Variants in SPRY3 observed in about 807,000 individuals in gnomAD.
SPRY3 encodes the protein sprouty RTK signaling antagonist 3, also known as protein sprouty homolog 3.
In SPRY3, 15 loss-of-function variants were observed where a neutral mutation model predicts 20.2. The observed-to-expected ratio is 0.74, with a 90% confidence interval of 0.50 to 1.14. The LOEUF is 1.14. Among genes scored for constraint, SPRY3 ranks in the 50% most tolerant of loss-of-function variants. SPRY3 has a pLI of 0.00. For missense variants in SPRY3, 364 were observed against 363.9 expected (o/e 1.00, Z 0.00); for synonymous variants, 143 against 136.5 (o/e 1.05, Z -0.33).
intron 2 of SPRY3, among the ~76,000 whole-genome samples, chrX:155,670,316 A>G (rs782758293): frequency 8.9e-6 from 1 of 111,946 alleles, no homozygotes; most frequent in Non-Finnish European, 1.9e-5. Context: ...CTCTAAGCCT[A>G]TCAGTATCAG....
intron 2 of SPRY3, among the ~76,000 whole-genome samples, chrX:155,716,981 A>T (rs867077943): frequency 4.3e-4 from 27 of 63,480 alleles, no homozygotes; most frequent in Admixed American, 1.6e-3. Flanking sequence ...TAAAATACAA[A>T]ATATATATAT....
intron 2 of SPRY3, among the ~76,000 whole-genome samples, chrX:155,658,930 A>G (rs781829452): frequency 1.4e-4 from 16 of 111,163 alleles, no homozygotes; most frequent in Non-Finnish European, 2.8e-4. Flanking sequence ...TTTTGCATCT[A>G]TCTAGATGAT....
chrX:155,766,493 A>G (rs187236545), intron 2 of SPRY3, among the ~76,000 whole-genome samples: 1 of 152,294 alleles, frequency 6.6e-6, no homozygotes, highest in Admixed American at 6.5e-5. Context: ...ACCATTTACC[A>G]TCTCAATTTT....
At chrX:155,697,593 A>G (rs1456375205) in intron 2 of SPRY3, among the ~76,000 whole-genome samples, 1 of 108,388 alleles carries the variant, frequency 9.2e-6, no homozygotes, top group Non-Finnish European at 1.9e-5. Context: ...TATATGCATA[A>G]AGCACTTAGA....
downstream of SPRY3, chrX:155,778,440 G>C (rs886915373): frequency 4.8e-5 from 8 of 167,016 alleles, no homozygotes; most frequent in African/African-American, 1.7e-4. Context: ...AGCTTATGAT[G>C]TAGAGCTATT....
chrX:155,746,108 C>G (rs1267777444), intron 2 of SPRY3, among the ~76,000 whole-genome samples: 1 of 152,076 alleles, frequency 6.6e-6, no homozygotes, highest in African/African-American at 2.4e-5. Flanking sequence ...ACATTTCTAG[C>G]TTTTGGTCTT....
At chrX:155,662,993 T>C (rs1036900110) in intron 2 of SPRY3, among the ~76,000 whole-genome samples, 2 of 112,093 alleles carry the variant, frequency 1.8e-5, no homozygotes, top group African/African-American at 6.5e-5. Flanking sequence ...TTTCTAAGTA[T>C]ACATAAAAAG....
chrX:155,747,996 T>C (rs1426349754), intron 2 of SPRY3, among the ~76,000 whole-genome samples: 1 of 151,960 alleles, frequency 6.6e-6, no homozygotes, highest in Non-Finnish European at 1.5e-5. Context: ...TATATACTTA[T>C]TATACTTATC....
At chrX:155,755,963 T>C (rs2091282105) in intron 2 of SPRY3, among the ~76,000 whole-genome samples, 2 of 152,014 alleles carry the variant, frequency 1.3e-5, no homozygotes, top group Non-Finnish European at 2.9e-5. Flanking sequence ...ATAACAAGAA[T>C]AAAGTTCATG....
intron 2 of SPRY3, among the ~76,000 whole-genome samples, chrX:155,752,802 T>C (rs891858856): frequency 1.3e-5 from 2 of 151,998 alleles, no homozygotes; most frequent in African/African-American, 4.8e-5. Context: ...TCCTTACCAG[T>C]AAGCTTTTTG....
chrX:155,760,535 TC>T (rs2091300073), intron 2 of SPRY3, among the ~76,000 whole-genome samples: 4 of 152,162 alleles, frequency 2.6e-5, no homozygotes, highest in African/African-American at 9.7e-5. Context: ...AAAGTTTGTG[TC>T]TTTCTTTGAC....
chrX:155,652,618 A>G (rs1443167721), intron 1 of SPRY3, among the ~76,000 whole-genome samples: 1 of 111,867 alleles, frequency 8.9e-6, no homozygotes, highest in African/African-American at 3.2e-5. Flanking sequence ...TCATTTATAC[A>G]TTTATCTATT....
chrX:155,652,527 T>C (rs1333761302), intron 1 of SPRY3, among the ~76,000 whole-genome samples: 3 of 111,856 alleles, frequency 2.7e-5, no homozygotes, highest in Non-Finnish European at 5.6e-5. Flanking sequence ...GCCTGCCTTA[T>C]TTCATGTTGC....
chrX:155,775,301 C>A (rs1022324812), exon 4 of SPRY3: 9 of 168,060 alleles, frequency 5.4e-5, no homozygotes, highest in African/African-American at 1.9e-4. Context: ...TTTACTTTTT[C>A]TCTTTCTTCC....
At chrX:155,617,486 C>T (rs2067857475) in intron 1 of SPRY3, among the ~76,000 whole-genome samples, 1 of 111,736 alleles carries the variant, frequency 8.9e-6, no homozygotes, top group African/African-American at 3.3e-5. Flanking sequence ...CCAAGACTGC[C>T]TTAGCTCTTT....
intron 2 of SPRY3, chrX:155,767,720 A>AAGAGAGGAGGAGGAGGAGAG (rs1440728371): frequency 1.6e-5 from 1 of 64,458 alleles, no homozygotes; most frequent in African/African-American, 6.5e-5. Context: ...GAGGAGGAGA[A>AAGAGAGGAGGAGGAGGAGAG]AGAGGAGGAG....
chrX:155,743,900 T>A (rs958466768), intron 2 of SPRY3, among the ~76,000 whole-genome samples: 30 of 152,128 alleles, frequency 2.0e-4, no homozygotes, highest in Non-Finnish European at 2.8e-4. Flanking sequence ...AAGGACAATT[T>A]TAAATAATTC....
At chrX:155,685,597 T>C (rs1310600782) in intron 2 of SPRY3, among the ~76,000 whole-genome samples, 1 of 110,053 alleles carries the variant, frequency 9.1e-6, no homozygotes, top group Non-Finnish European at 1.9e-5. Flanking sequence ...CCAGTGTGTG[T>C]TACTCCTCTC....
At chrX:155,721,797 A>G (rs1037716263) in intron 2 of SPRY3, among the ~76,000 whole-genome samples, 2 of 152,206 alleles carry the variant, frequency 1.3e-5, no homozygotes, top group Admixed American at 1.3e-4. Context: ...CTGTCCTAGA[A>G]GAAATGCTAA....
Sources: allele counts gnomAD v4.1 joint callset (sites outside exome capture counted in the v4.1 genomes callset), GRCh38; gene constraint gnomAD v4.1.1; transcripts MANE v1.5; gene names NCBI Gene and HGNC (gene_info 2026-07-23, HGNC 2026-07-21).